ATF2: variants seen among roughly 807,000 people sequenced by gnomAD.
The protein encoded by ATF2 is cyclic AMP-dependent transcription factor ATF-2.
Under a neutral mutation model 60.6 loss-of-function variants are expected in ATF2, and 24 were observed. The ratio of observed to expected loss-of-function variants is 0.40; its 90% CI spans 0.29 to 0.56. The LOEUF is 0.56. Ranked by LOEUF, ATF2 falls within the 20% of genes least tolerant of loss-of-function variation. ATF2 has a pLI of 0.54. For missense variants in ATF2, 433 were observed against 607.7 expected (o/e 0.71, Z 3.02); for synonymous variants, 206 against 215.4 (o/e 0.96, Z 0.38).
intron 10 of ATF2, among the ~76,000 whole-genome samples, chr2:175,104,371 G>T (rs1305944795): frequency 2.0e-5 from 3 of 152,032 alleles, no homozygotes; most frequent in Non-Finnish European, 4.4e-5. Context: ...CCAAAAGGAT[G>T]ATGTTTAAAA....
intron 12 of ATF2, among the ~76,000 whole-genome samples, chr2:175,090,703 G>A (rs1396338673): frequency 6.6e-6 from 1 of 152,008 alleles, no homozygotes; most frequent in Non-Finnish European, 1.5e-5. Context: ...TTAATTTAGT[G>A]ATTTCCTAAA....
At chr2:175,103,445 G>T (rs1454398347) in intron 10 of ATF2, among the ~76,000 whole-genome samples, 1 of 152,124 alleles carries the variant, frequency 6.6e-6, no homozygotes, top group African/African-American at 2.4e-5. Context: ...TTGAGAGAGG[G>T]TCTGTTTCTT....
chr2:175,124,219 C>T (rs140878706), intron 4 of ATF2, among the ~76,000 whole-genome samples: 7 of 150,230 alleles, frequency 4.7e-5, no homozygotes, highest in Admixed American at 3.3e-4. Flanking sequence ...CAAAGAAACA[C>T]AAGTATTTTG....
intron 12 of ATF2, chr2:175,092,675 A>G (rs932432991): frequency 9.9e-6 from 4 of 404,920 alleles, no homozygotes; most frequent in Non-Finnish European, 1.9e-5. Flanking sequence ...TAATTTAAAA[A>G]TAAAAACTGC....
intron 2 of ATF2, among the ~76,000 whole-genome samples, chr2:175,143,522 G>C (rs1332635376): frequency 6.6e-6 from 1 of 152,048 alleles, no homozygotes; most frequent in Non-Finnish European, 1.5e-5. Context: ...AAGTGAAACT[G>C]CTATATCAAA....
At chr2:175,141,927 A>G (rs985453472) in intron 2 of ATF2, among the ~76,000 whole-genome samples, 5 of 152,184 alleles carry the variant, frequency 3.3e-5, no homozygotes, top group Non-Finnish European at 5.9e-5. Flanking sequence ...ATATGACCAA[A>G]AACAGCTCTG....
At position 175,142,720 on chromosome 2, in the gene ATF2, A is replaced by AGTGTGTGTGT. The variant is rs755635658; in HGVS notation, c.-43-6244_-43-6235dup. ...GAGAGAGAGAGAGAGAGAGAGAGAG[A>AGTGTGTGTGT]GTGTGTGTGTGTGTGTGTGTGTGTG... is the stretch of plus-strand genomic sequence containing the variant. On this transcript the variant is annotated intron_variant, in intron 2 of 13. Transcript: ENST00000264110. 3.4e-4 allele frequency among the ~76,000 whole-genome samples: 24 copies of AGTGTGTGTGT among 71,188 alleles called. No individual in the cohort carries two copies. The East Asian group carries it at 9.3e-3, about 28-fold the overall frequency. 46.7% of individuals were successfully genotyped at this position (71,188 alleles called of 152,430 possible).
chr2:175,147,211 G>A (rs926167944), intron 2 of ATF2, among the ~76,000 whole-genome samples: 4 of 152,124 alleles, frequency 2.6e-5, no homozygotes, highest in African/African-American at 9.7e-5. Flanking sequence ...AAAGGAAGAT[G>A]CTTTAGGCTG....
At position 175,168,163 on chromosome 2, in the gene ATF2, CT is replaced by C; in HGVS notation, c.-257del. ...TGAACGGCACTTTAAAGGCCACGGGCTCCCACAGGCTTCCGTCCTCTCTCGC... is the reference window on the plus strand; with the variant it reads ...TGAACGGCACTTTAAAGGCCACGGGCCCCACAGGCTTCCGTCCTCTCTCGC... On this transcript the variant is annotated 5_prime_UTR_variant, in exon 1 of 14. Coordinates refer to ENST00000264110, the MANE Select transcript of ATF2 (RefSeq NM_001880.4). The C allele has an allele frequency of 6.5e-6, 1 of 154,032 alleles. No individual in the cohort carries two copies. Among genetic ancestry groups the C allele is most frequent in the East Asian group, 1.9e-4 (1 of 5,240 alleles). 9.5% of individuals were successfully genotyped at this position (154,032 alleles called of 1,614,324 possible).
At chr2:175,124,961 T>C (rs1437880958) in intron 4 of ATF2, among the ~76,000 whole-genome samples, 1 of 152,020 alleles carries the variant, frequency 6.6e-6, no homozygotes, top group Admixed American at 6.6e-5. Context: ...TAAGAGTAAC[T>C]GAGGCATACA....
chr2:175,164,926 C>T (rs941705852), intron 1 of ATF2, among the ~76,000 whole-genome samples: 1 of 152,204 alleles, frequency 6.6e-6, no homozygotes, highest in Non-Finnish European at 1.5e-5. Context: ...GCACGATCGG[C>T]TCTCACTGCA....
At chr2:175,082,132 T>C (rs1693802024) in intron 12 of ATF2, among the ~76,000 whole-genome samples, 1 of 152,092 alleles carries the variant, frequency 6.6e-6, no homozygotes, top group Non-Finnish European at 1.5e-5. Context: ...AAAAATTAAA[T>C]AATAAAAGTT....
chr2:175,147,539 C>T (rs573917929), intron 2 of ATF2, among the ~76,000 whole-genome samples: 95 of 152,244 alleles, frequency 6.2e-4, no homozygotes, highest in Middle Eastern at 3.4e-3. Flanking sequence ...ATAGGTAATA[C>T]TAAATGTTAT....
intron 2 of ATF2, among the ~76,000 whole-genome samples, chr2:175,142,930 T>C (rs1183984775): frequency 6.6e-6 from 1 of 152,072 alleles, no homozygotes; most frequent in African/African-American, 2.4e-5. Context: ...CACTGCAGCC[T>C]TGAAATCCTG....
chr2:175,074,675 A>G lies in ATF2; in HGVS notation c.1452T>C (p.Ser484=), dbSNP rs1297571117. 6.2e-7 allele frequency: 1 copy of G among 1,613,206 alleles called. No homozygotes were observed. Among genetic ancestry groups the G allele is most frequent in the African/African-American group, 1.3e-5 (1 of 74,826 alleles). The change falls in exon 14 of 14, where the codon AGT becomes AGC. Residue 484 remains serine, a synonymous_variant. Transcript: ENST00000264110. ...TSVLTQMADQ[S]TEPALSQIVM... The stretch of plus-strand genomic sequence containing the variant: ...CGATCTGTGAAAGAGCAGGCTCTGT[A>G]CTCTGGTCCGCCATCTGGGTGAGGA...
intron 1 of ATF2, among the ~76,000 whole-genome samples, chr2:175,167,321 TA>T (rs746267570): frequency 1.7e-3 from 243 of 143,618 alleles, no homozygotes; most frequent in Non-Finnish European, 1.3e-3. Context: ...CCCAGAGATT[TA>T]AAAAAAAAAA....
At chr2:175,113,000 G>A (rs969640153) in intron 9 of ATF2, among the ~76,000 whole-genome samples, 8 of 152,102 alleles carry the variant, frequency 5.3e-5, no homozygotes, top group African/African-American at 1.9e-4. Context: ...AGTACCTAAT[G>A]CTTGGTGTAA....
intron 12 of ATF2, among the ~76,000 whole-genome samples, chr2:175,090,142 A>G (rs1053055391): frequency 8.5e-5 from 13 of 152,118 alleles, no homozygotes; most frequent in Admixed American, 2.0e-4. Flanking sequence ...CCATCGCTCC[A>G]AAGTAAAACC....
At chr2:175,077,876 G>A (rs935232749) in intron 13 of ATF2, among the ~76,000 whole-genome samples, 1 of 152,134 alleles carries the variant, frequency 6.6e-6, no homozygotes, top group Non-Finnish European at 1.5e-5. Context: ...AAACCATGCT[G>A]TACTCAAAGA....
Sources: allele counts gnomAD v4.1 joint callset (sites outside exome capture counted in the v4.1 genomes callset), GRCh38; gene constraint gnomAD v4.1.1; transcripts MANE v1.5; gene names NCBI Gene and HGNC (gene_info 2026-07-23, HGNC 2026-07-21).